The following MAD1L1 variants were observed in gnomAD, a reference collection of about 807,000 sequenced individuals.
MAD1L1 encodes the protein mitotic arrest deficient 1 like 1.
MAD1L1 carries 95 observed loss-of-function variants against 96.9 expected under a neutral mutation model. The observed-to-expected ratio is 0.98, with a 90% CI of 0.83 to 1.16. MAD1L1 has a LOEUF of 1.16. MAD1L1 is among the 50% of genes most tolerant of loss of function. MAD1L1 has a pLI of 0.00. For synonymous variants in MAD1L1, 473 were observed against 396.6 expected (o/e 1.19, Z -2.29); for missense variants, 1,007 against 954.4 (o/e 1.06, Z -0.73).
At chr7:2,215,808 G>A (rs141349295) in intron 9 of MAD1L1, 77 bp downstream of exon 9, 3 of 1,328,474 alleles carry the variant, frequency 2.3e-6, no homozygotes. Flanking sequence ...CAGCTGGTGG[G>A]CGTGACCACA....
At chr7:1,837,879 T>C (rs981897140) in intron 18 of MAD1L1, among the ~76,000 whole-genome samples, 5 of 152,136 alleles carry the variant, frequency 3.3e-5, no homozygotes, top group African/African-American at 1.2e-4. Context: ...ATACAGATGG[T>C]AGCTCATCAA....
chr7:1,887,160 C>T (rs1385320206), intron 18 of MAD1L1, among the ~76,000 whole-genome samples: 1 of 152,256 alleles, frequency 6.6e-6, no homozygotes, highest in Non-Finnish European at 1.5e-5. Flanking sequence ...GGATCCAGAT[C>T]ACAGAAGCAG....
At chr7:1,869,696 A>T (rs1784949921) in intron 18 of MAD1L1, among the ~76,000 whole-genome samples, 1 of 152,222 alleles carries the variant, frequency 6.6e-6, no homozygotes, top group East Asian at 1.9e-4. Context: ...ATTGTCAATC[A>T]GCACTGTCAC....
chr7:2,223,624 G>A (rs1398648801), intron 4 of MAD1L1: 1 of 152,358 alleles, frequency 6.6e-6, no homozygotes, highest in Non-Finnish European at 1.5e-5. Flanking sequence ...TTCTGAGAGA[G>A]GCTGACCCGC....
chr7:2,139,056 G>T (rs774934715), intron 11 of MAD1L1, among the ~76,000 whole-genome samples: 7 of 152,098 alleles, frequency 4.6e-5, no homozygotes, highest in Non-Finnish European at 7.4e-5. Flanking sequence ...CTCAGCAGAC[G>T]CCCCGGTACC....
chr7:1,964,846 T>C (rs1250931199), intron 15 of MAD1L1, among the ~76,000 whole-genome samples: 2 of 152,148 alleles, frequency 1.3e-5, no homozygotes, highest in South Asian at 4.1e-4. Flanking sequence ...AGATGCATAA[T>C]GGGGGCGGGA....
At chr7:2,159,812 A>C (rs1297085562) in intron 10 of MAD1L1, among the ~76,000 whole-genome samples, 1 of 152,230 alleles carries the variant, frequency 6.6e-6, no homozygotes, top group Non-Finnish European at 1.5e-5. Context: ...TTCCTATATT[A>C]ACATGAAAGA....
rs1309152811 is a variant in MAD1L1 at position 1,946,294 on chromosome 7, C to T, written c.1597-9397G>A. The stretch of plus-strand genomic sequence containing the variant: ...CCTCCAGTGCTGCCCCGGCCCCGTG[C>T]ACCCCACCCACCTAGGGCGCTGAGC... On this transcript the variant is annotated intron_variant, in intron 16 of 18. Transcript: ENST00000265854. Among the ~76,000 whole-genome samples, 3 of 152,160 alleles carry T rather than the reference C, an allele frequency of 2.0e-5. No homozygotes were observed. In the East Asian group the frequency reaches 5.8e-4, roughly 29 times the overall value.
chr7:2,135,655 T>G (rs1366023566), intron 11 of MAD1L1, among the ~76,000 whole-genome samples: 1 of 152,216 alleles, frequency 6.6e-6, no homozygotes, highest in Non-Finnish European at 1.5e-5. Context: ...CCGGGCCTCC[T>G]GCCCCCCAGC....
At chr7:1,892,779 G>A (rs1216481799) in intron 18 of MAD1L1, among the ~76,000 whole-genome samples, 1 of 152,212 alleles carries the variant, frequency 6.6e-6, no homozygotes, top group African/African-American at 2.4e-5. Flanking sequence ...CTCTGAGCCG[G>A]GGAAGGCCCT....
rs1431409380 is a variant in MAD1L1, at chr7:1,818,693, C to T, written c.1999-2465G>A. Among the ~76,000 whole-genome samples, 4 of 152,122 alleles carry T rather than the reference C, an allele frequency of 2.6e-5. No individual in the cohort carries two copies. The South Asian group carries it at 6.2e-4, about 24-fold the overall frequency. ...GACGTGAGGATTACAGGCGTGAGCT[C>T]TGATCATTCTTTATTTGAAACAGGT... On this transcript the variant is annotated intron_variant, in intron 18 of 18. Coordinates refer to ENST00000265854, the MANE Select transcript of MAD1L1 (RefSeq NM_001013836.2).
At chr7:1,859,249 T>C (rs1168438619) in intron 18 of MAD1L1, among the ~76,000 whole-genome samples, 1 of 152,112 alleles carries the variant, frequency 6.6e-6, no homozygotes, top group Non-Finnish European at 1.5e-5. Flanking sequence ...GACAGCTGGG[T>C]GCGCAGCAGC....
intron 14 of MAD1L1, among the ~76,000 whole-genome samples, chr7:1,986,673 G>A (rs866371941): frequency 6.6e-6 from 1 of 152,140 alleles, no homozygotes; most frequent in Non-Finnish European, 1.5e-5. Flanking sequence ...CCTCTGCCTG[G>A]GGCTTGGTTT....
intron 16 of MAD1L1, among the ~76,000 whole-genome samples, chr7:1,939,809 C>A (rs1778857604): frequency 6.6e-6 from 1 of 151,744 alleles, no homozygotes; most frequent in South Asian, 2.1e-4. Context: ...TGGGCCACTG[C>A]TCTCCAAGTC....
intron 18 of MAD1L1, among the ~76,000 whole-genome samples, chr7:1,842,114 T>A (rs2128633170): frequency 6.6e-6 from 1 of 152,346 alleles, no homozygotes; most frequent in South Asian, 2.1e-4. Flanking sequence ...TCTTAATTAG[T>A]ACTTGGTAAT....
chr7:2,100,175 A>G (rs1025730904), intron 11 of MAD1L1, among the ~76,000 whole-genome samples: 5 of 152,370 alleles, frequency 3.3e-5, no homozygotes, highest in South Asian at 2.1e-4. Context: ...CGGCCAGCGC[A>G]GTCAGCTGCA....
intron 5 of MAD1L1, among the ~76,000 whole-genome samples, 186 bp from the exon 6 acceptor site, chr7:2,219,642 G>A (rs866080156): frequency 6.9e-5 from 8 of 116,754 alleles, no homozygotes; most frequent in East Asian, 6.8e-4. Context: ...GGGGCAGAGC[G>A]GTAGGGGGGC....
intron 10 of MAD1L1, among the ~76,000 whole-genome samples, chr7:2,151,291 G>A (rs1484059748): frequency 2.0e-5 from 3 of 152,190 alleles, no homozygotes; most frequent in East Asian, 1.9e-4. Context: ...CTGCAACGGC[G>A]CCTCCCAGCC....
intron 11 of MAD1L1, among the ~76,000 whole-genome samples, chr7:2,072,426 C>G (rs1440280700): frequency 6.6e-6 from 1 of 152,212 alleles, no homozygotes; most frequent in African/African-American, 2.4e-5. Flanking sequence ...CCCCCTGCCC[C>G]CTCCAGGCGC....
Sources: allele counts gnomAD v4.1 joint callset (sites outside exome capture counted in the v4.1 genomes callset), GRCh38; gene constraint gnomAD v4.1.1; transcripts MANE v1.5; gene names NCBI Gene and HGNC (gene_info 2026-07-23, HGNC 2026-07-21).